CDH12: variants seen among roughly 807,000 people sequenced by gnomAD.
The protein encoded by CDH12 is cadherin 12.
In CDH12, 41 loss-of-function variants were observed where a neutral mutation model predicts 74.1. The ratio of observed to expected loss-of-function variants is 0.55; its 90% CI spans 0.43 to 0.72. The LOEUF (loss-of-function observed/expected upper bound fraction) is 0.72, where lower values mean the gene tolerates loss of function less well. Ranked by LOEUF, CDH12 falls within the 30% of genes least tolerant of loss-of-function variation. CDH12 has a pLI of 0.00. For synonymous variants in CDH12, 399 were observed against 355.0 expected, an observed-to-expected ratio of 1.12 and a Z score of -1.39; for missense variants, 945 against 977.2, an observed-to-expected ratio of 0.97 and a Z score of 0.44.
intron 5 of CDH12, among the ~76,000 whole-genome samples, chr5:21,981,203 G>A (rs1197180255): frequency 6.6e-6 from 1 of 152,068 alleles, no homozygotes; most frequent in African/African-American, 2.4e-5. Flanking sequence ...TATTCTCTGT[G>A]TTGTCAATAA....
At chr5:22,286,257 A>G (rs1350976511) in intron 3 of CDH12, among the ~76,000 whole-genome samples, 1 of 152,186 alleles carries the variant, frequency 6.6e-6, no homozygotes, top group Non-Finnish European at 1.5e-5. Context: ...CACAAAGCAT[A>G]AAGAGAATAA....
chr5:22,387,422 A>G (rs1561365047), intron 3 of CDH12, among the ~76,000 whole-genome samples: 1 of 152,124 alleles, frequency 6.6e-6, no homozygotes, highest in Non-Finnish European at 1.5e-5. Flanking sequence ...TGTGTTAATA[A>G]AATTTACTCC....
intron 5 of CDH12, among the ~76,000 whole-genome samples, chr5:22,029,355 C>T (rs1032514285): frequency 6.6e-6 from 1 of 152,040 alleles, no homozygotes; most frequent in African/African-American, 2.4e-5. Context: ...ATTTTTGCAA[C>T]CTACTCATCT....
At chr5:21,978,570 TAC>T (rs1757167353) in intron 5 of CDH12, among the ~76,000 whole-genome samples, 1 of 152,182 alleles carries the variant, frequency 6.6e-6, no homozygotes, top group Non-Finnish European at 1.5e-5. Flanking sequence ...TCTATATATA[TAC>T]ACACTATATA....
intron 1 of CDH12, among the ~76,000 whole-genome samples, chr5:22,648,802 A>G (rs1739575391): frequency 6.6e-6 from 1 of 151,764 alleles, no homozygotes; most frequent in Non-Finnish European, 1.5e-5. Flanking sequence ...TTTTTTCACC[A>G]CTTTCTCAAA....
chr5:22,733,749 G>A (rs1302472943), intron 1 of CDH12, among the ~76,000 whole-genome samples: 2 of 151,848 alleles, frequency 1.3e-5, no homozygotes, highest in African/African-American at 2.4e-5. Context: ...AAGTGAGGGG[G>A]GTTCCTTCCT....
chr5:22,051,705 G>A (rs1301446092), intron 5 of CDH12, among the ~76,000 whole-genome samples: 1 of 152,072 alleles, frequency 6.6e-6, no homozygotes, highest in Non-Finnish European at 1.5e-5. Context: ...ATCATTTTAA[G>A]TATTTCTCCT....
chr5:22,690,736 T>C (rs1306926935), intron 1 of CDH12, among the ~76,000 whole-genome samples: 1 of 152,176 alleles, frequency 6.6e-6, no homozygotes, highest in African/African-American at 2.4e-5. Flanking sequence ...TGCTTGTTAC[T>C]TACCTTTAGG....
intron 4 of CDH12, among the ~76,000 whole-genome samples, chr5:22,123,915 C>T (rs1018961642): frequency 6.6e-6 from 1 of 151,546 alleles, no homozygotes; most frequent in Non-Finnish European, 1.5e-5. Flanking sequence ...ATTTCGTTTC[C>T]TTGAGTTTTT....
chr5:22,181,256 A>T (rs1749628844), intron 4 of CDH12, among the ~76,000 whole-genome samples: 1 of 152,140 alleles, frequency 6.6e-6, no homozygotes, highest in South Asian at 2.1e-4. Context: ...TCTAATAAAC[A>T]TTAGTAAGCT....
intron 3 of CDH12, among the ~76,000 whole-genome samples, chr5:22,238,758 C>A (rs1370288604): frequency 1.3e-5 from 2 of 152,080 alleles, no homozygotes; most frequent in African/African-American, 4.8e-5. Context: ...TTATAGAGTA[C>A]AATAATAAGA....
chr5:22,807,487 C>G (rs1748877188), intron 1 of CDH12, among the ~76,000 whole-genome samples: 1 of 152,120 alleles, frequency 6.6e-6, no homozygotes, highest in Non-Finnish European at 1.5e-5. Context: ...GATACTACTC[C>G]AGTATACAGT....
intron 6 of CDH12, among the ~76,000 whole-genome samples, chr5:21,923,918 A>T (rs1016888625): frequency 6.6e-6 from 1 of 152,200 alleles, no homozygotes; most frequent in Non-Finnish European, 1.5e-5. Context: ...TTATTGGAAC[A>T]TGCAGATATA....
chr5:22,633,814 C>T (rs975511742), intron 1 of CDH12, among the ~76,000 whole-genome samples: 1 of 152,190 alleles, frequency 6.6e-6, no homozygotes, highest in Non-Finnish European at 1.5e-5. Flanking sequence ...TCAACTTCTA[C>T]AATTGCATGA....
intron 4 of CDH12, among the ~76,000 whole-genome samples, chr5:22,196,912 C>A (rs1466104356): frequency 6.6e-6 from 1 of 152,068 alleles, no homozygotes; most frequent in East Asian, 1.9e-4. Flanking sequence ...ATTTCTTAAT[C>A]CTCAATCAGA....
chr5:22,570,557 C>T (rs1473258626), intron 1 of CDH12, among the ~76,000 whole-genome samples: 1 of 152,042 alleles, frequency 6.6e-6, no homozygotes, highest in Non-Finnish European at 1.5e-5. Context: ...TAGGTCTCAA[C>T]AGTAGGCTTA....
intron 1 of CDH12, among the ~76,000 whole-genome samples, chr5:22,560,364 C>G (rs933103662): frequency 6.6e-6 from 1 of 152,074 alleles, no homozygotes; most frequent in Non-Finnish European, 1.5e-5. Flanking sequence ...GTTCATTAGT[C>G]ATTTGGTAGC....
chr5:22,736,598 G>A lies in CDH12; in HGVS notation c.-523+116460C>T, dbSNP rs564216773. Reference sequence around the variant, plus strand: ...AAAATTTATTTTAATTGAGGGATACGTTTTCAAAAAAAATGCTATGAATAT... The same window carrying A: ...AAAATTTATTTTAATTGAGGGATACATTTTCAAAAAAAATGCTATGAATAT... On this transcript the variant is annotated intron_variant, in intron 1 of 14. Coordinates refer to ENST00000382254, the MANE Select transcript of CDH12 (RefSeq NM_004061.5). Among the ~76,000 whole-genome samples the A allele has an allele frequency of 1.6e-3, 241 of 150,956 alleles. 1 individual carries two copies. The highest frequency in any genetic ancestry group is 2.6e-3 in the Non-Finnish European group (179 of 67,620).
intron 1 of CDH12, among the ~76,000 whole-genome samples, chr5:22,628,692 G>A (rs1262605708): frequency 6.6e-6 from 1 of 152,092 alleles, no homozygotes; most frequent in African/African-American, 2.4e-5. Context: ...AGAGAAGCTA[G>A]AGAAACAAGA....
Sources: gnomAD v4.1 joint callset for allele counts (sites outside exome capture counted in the v4.1 genomes callset) on GRCh38, gnomAD v4.1.1 for gene constraint, MANE v1.5 for transcripts, NCBI Gene and HGNC (gene_info 2026-07-23, HGNC 2026-07-21) for gene names.